Variants in ROBO1 observed in about 807,000 individuals in gnomAD.
The protein encoded by ROBO1 is roundabout guidance receptor 1.
Under a neutral mutation model 195.9 loss-of-function variants are expected in ROBO1, and 149 were observed. That is an observed-to-expected ratio of 0.76 (90% CI 0.67 to 0.87). ROBO1 has a LOEUF of 0.87. Ranked by LOEUF, ROBO1 falls within the 40% of genes least tolerant of loss-of-function variation. The pLI, the probability that ROBO1 is intolerant of heterozygous loss-of-function variation, is 0.00. For synonymous variants in ROBO1, 816 were observed against 733.2 expected (o/e 1.11, Z -1.82); for missense variants, 1,933 against 2,068.3 (o/e 0.93, Z 1.27).
intron 2 of ROBO1, among the ~76,000 whole-genome samples, chr3:79,335,990 T>C (rs1367581743): frequency 1.3e-5 from 2 of 152,188 alleles, no homozygotes; most frequent in Admixed American, 6.5e-5. Context: ...AAGAGACTGG[T>C]GACATTTTTC....
chr3:79,490,625 T>C (rs1939401369), intron 2 of ROBO1, among the ~76,000 whole-genome samples: 1 of 152,190 alleles, frequency 6.6e-6, no homozygotes, highest in African/African-American at 2.4e-5. Flanking sequence ...AGTCTGACCA[T>C]AGGCAATTTC....
chr3:79,055,245 G>C (rs1391173003), intron 3 of ROBO1, among the ~76,000 whole-genome samples: 14 of 152,094 alleles, frequency 9.2e-5, no homozygotes, highest in Non-Finnish European at 2.9e-5. Flanking sequence ...TGAGTCAATT[G>C]CTCAACTGCT....
chr3:79,554,725 T>C (rs935137531), intron 2 of ROBO1, among the ~76,000 whole-genome samples: 9 of 152,080 alleles, frequency 5.9e-5, no homozygotes, highest in African/African-American at 1.9e-4. Flanking sequence ...TAGGAAGATA[T>C]TTGATACAGT....
chr3:78,828,604 C>G (rs974954958), intron 4 of ROBO1, among the ~76,000 whole-genome samples: 6 of 152,140 alleles, frequency 3.9e-5, no homozygotes, highest in African/African-American at 1.4e-4. Context: ...TATTCAATCC[C>G]AAAGTACACA....
intron 1 of ROBO1, among the ~76,000 whole-genome samples, chr3:79,614,710 A>T (rs955713591): frequency 1.3e-5 from 2 of 152,094 alleles, no homozygotes; most frequent in African/African-American, 4.8e-5. Context: ...ATGAAAGAAT[A>T]TGTACATATT....
intron 2 of ROBO1, among the ~76,000 whole-genome samples, chr3:79,264,405 T>C (rs1364563179): frequency 6.6e-6 from 1 of 151,864 alleles, no homozygotes; most frequent in Non-Finnish European, 1.5e-5. Flanking sequence ...CATTATCATG[T>C]TATTTAATTT....
intron 2 of ROBO1, among the ~76,000 whole-genome samples, chr3:79,142,361 C>A (rs1415358465): frequency 6.6e-6 from 1 of 152,022 alleles, no homozygotes; most frequent in East Asian, 1.9e-4. Context: ...GGAGGCAGTC[C>A]TCTATAAATG....
chr3:79,622,478 C>T (rs566621139), intron 1 of ROBO1, among the ~76,000 whole-genome samples: 1 of 152,224 alleles, frequency 6.6e-6, no homozygotes, highest in Non-Finnish European at 1.5e-5. Flanking sequence ...TAGCTCCAGC[C>T]TGTGCTTTTC....
chr3:79,200,278 G>C (rs939867378), intron 2 of ROBO1, among the ~76,000 whole-genome samples: 9 of 151,714 alleles, frequency 5.9e-5, no homozygotes, highest in Non-Finnish European at 1.2e-4. Flanking sequence ...ATGTAATTCT[G>C]AATTTAAGGA....
intron 2 of ROBO1, among the ~76,000 whole-genome samples, chr3:79,127,046 A>G (rs1181964239): frequency 1.3e-5 from 2 of 151,862 alleles, no homozygotes; most frequent in Admixed American, 1.3e-4. Flanking sequence ...CAGACAAAAG[A>G]GAAAAGATAC....
chr3:79,754,554 G>A (rs971685123), intron 1 of ROBO1, among the ~76,000 whole-genome samples: 1 of 152,170 alleles, frequency 6.6e-6, no homozygotes, highest in African/African-American at 2.4e-5. Flanking sequence ...GCGAATGACC[G>A]AGCATCTCAG....
chr3:79,047,409 T>G (rs2078614946), intron 3 of ROBO1, among the ~76,000 whole-genome samples: 1 of 152,102 alleles, frequency 6.6e-6, no homozygotes, highest in Non-Finnish European at 1.5e-5. Context: ...AATGCTCAGC[T>G]TCTACAGATG....
chr3:78,701,379 G>A (rs373469040), intron 8 of ROBO1, among the ~76,000 whole-genome samples: 7 of 152,046 alleles, frequency 4.6e-5, no homozygotes, highest in East Asian at 1.9e-4. Context: ...AGCCAATTCC[G>A]TGCCTGAAAA....
intron 3 of ROBO1, among the ~76,000 whole-genome samples, chr3:79,065,268 C>T (rs192109844): frequency 1.2e-3 from 186 of 151,966 alleles, no homozygotes; most frequent in Non-Finnish European, 2.4e-3. Flanking sequence ...TTATTAAATG[C>T]CATATTCTAA....
At chr3:79,140,087 G>T (rs1460800918) in intron 2 of ROBO1, among the ~76,000 whole-genome samples, 1 of 152,032 alleles carries the variant, frequency 6.6e-6, no homozygotes, top group Non-Finnish European at 1.5e-5. Context: ...TGGGTTTGAG[G>T]TACGATGATC....
At chr3:79,276,429 A>C (rs979208704) in intron 2 of ROBO1, among the ~76,000 whole-genome samples, 1 of 152,102 alleles carries the variant, frequency 6.6e-6, no homozygotes, top group Non-Finnish European at 1.5e-5. Context: ...AGAAGAATGA[A>C]ACTAAACCTC....
intron 3 of ROBO1, among the ~76,000 whole-genome samples, chr3:79,097,502 T>TGTGTG (rs2079592242): frequency 6.6e-6 from 1 of 151,830 alleles, no homozygotes; most frequent in African/African-American, 2.4e-5. Flanking sequence ...GATTGTGTGA[T>TGTGTG]ATGTGGTGTT....
At chr3:79,442,337 G>A (rs1230898680) in intron 2 of ROBO1, among the ~76,000 whole-genome samples, 2 of 152,168 alleles carry the variant, frequency 1.3e-5, no homozygotes, top group South Asian at 2.1e-4. Context: ...AAAACATAGT[G>A]CCATATATTT....
intron 2 of ROBO1, among the ~76,000 whole-genome samples, chr3:79,180,652 G>C (rs955818285): frequency 5.3e-5 from 8 of 152,178 alleles, no homozygotes; most frequent in African/African-American, 1.9e-4. Flanking sequence ...AAATAAGCAA[G>C]TACATTTAAC....
Sources: gnomAD v4.1 joint callset for allele counts (sites outside exome capture counted in the v4.1 genomes callset) on GRCh38, gnomAD v4.1.1 for gene constraint, MANE v1.5 for transcripts, NCBI Gene and HGNC (gene_info 2026-07-23, HGNC 2026-07-21) for gene names.